The following DNAJB13 variants were observed in gnomAD, a reference collection of about 807,000 sequenced individuals.
DNAJB13 encodes dnaJ homolog subfamily B member 13.
DNAJB13 carries 22 observed loss-of-function variants against 35.6 expected under a neutral mutation model. That is an observed-to-expected ratio of 0.62 (90% confidence interval 0.44 to 0.88). DNAJB13 has a LOEUF of 0.88. Among genes scored for constraint, DNAJB13 ranks in the 40% least tolerant of loss-of-function variants. The pLI, the probability that DNAJB13 is intolerant of heterozygous loss-of-function variation, is 0.00. For synonymous variants in DNAJB13, 136 were observed against 144.2 expected, an observed-to-expected ratio of 0.94 and a Z score of 0.41; for missense variants, 370 against 384.3, an observed-to-expected ratio of 0.96 and a Z score of 0.31.
intron 2 of DNAJB13, 55 bp downstream of exon 2, chr11:73,958,475 C>A: frequency 7.1e-7 from 1 of 1,408,402 alleles, no homozygotes; most frequent in Non-Finnish European, 9.9e-7. Flanking sequence ...CCTTAAGTCT[C>A]TAGACTGTTG....
At position 73,968,369 on chromosome 11, in the gene DNAJB13, A is replaced by C. The variant is rs1269565948; in HGVS notation, c.631A>C (p.Ile211Leu). Residue 211 changes from isoleucine (I) to leucine (L), a missense_variant, in exon 6 of 8, where the codon ATC becomes CTC. By Grantham distance (5) the Ile-to-Leu change is conservative. Transcript: ENST00000339764. ...GGGCCCCAACATCATCCCAGCAGACATCATTTTCATCGTAAAGGAGAAGCT... is the reference window on the plus strand; with the variant it reads ...GGGCCCCAACATCATCCCAGCAGACCTCATTTTCATCGTAAAGGAGAAGCT... The part of the protein sequence containing the change: ...DQGPNIIPAD[I>L]IFIVKEKLHP... 6.2e-7 allele frequency: 1 copy of C among 1,614,144 alleles called. No individual in the cohort carries two copies. The highest frequency in any genetic ancestry group is 8.5e-7 in the Non-Finnish European group (1 of 1,180,014).
In DNAJB13 at chr11:73,951,038, C is replaced by T. The variant is rs1157651591; in HGVS notation, c.-32C>T. The T allele has an allele frequency of 1.2e-6, 2 of 1,612,462 alleles. No homozygotes were observed. Among genetic ancestry groups the T allele is most frequent in the African/African-American group, 2.7e-5 (2 of 74,922 alleles). ...TAACAGCCTTGCTAGAGTCTGAGGA[C>T]TATCCAGGGCCTGACTGCCAGCTAG... On this transcript the variant is annotated 5_prime_UTR_variant, in exon 1 of 8. Coordinates refer to ENST00000339764, the MANE Select transcript of DNAJB13 (RefSeq NM_153614.4).
rs771736200 is a variant in DNAJB13, at chr11:73,970,106, C to T, written c.943C>T (p.Leu315=). 23 of 1,603,328 alleles carry T rather than the reference C, an allele frequency of 1.4e-5. No individual in the cohort carries two copies. The East Asian group carries it at 2.0e-4, about 14-fold the overall frequency. The change falls in exon 8 of 8, where the codon CTG becomes TTG. Residue 315 remains leucine (L), a synonymous_variant. Coordinates refer to ENST00000339764, the MANE Select transcript of DNAJB13 (RefSeq NM_153614.4). ...QKKQMLRQAL[L]T is the part of the protein sequence containing the mutation. ...GAAGCAGATGCTGCGCCAGGCATTGCTGACATGACTGTGGTGGGCTGGAGC... is the reference window on the plus strand; with the variant it reads ...GAAGCAGATGCTGCGCCAGGCATTGTTGACATGACTGTGGTGGGCTGGAGC...
intron 4 of DNAJB13, chr11:73,965,933 A>T (rs1217867619): frequency 1.8e-6 from 1 of 560,208 alleles, no homozygotes; most frequent in Non-Finnish European, 3.2e-6. Flanking sequence ...TGGCAACAGG[A>T]TGGGAGTGGG....
At chr11:73,951,165 G>A (rs984185348) in intron 1 of DNAJB13, 28 bp downstream of exon 1, 5 of 1,613,328 alleles carry the variant, frequency 3.1e-6, no homozygotes, top group African/African-American at 1.3e-5. Flanking sequence ...CCAGGCCTTA[G>A]GGGTGTGCTG....
At chr11:73,964,765 C>CTGTGTGTGTGTGTG (rs3222042) in intron 3 of DNAJB13, 113 bp from the exon 4 acceptor site, 47 of 659,730 alleles carry the variant, frequency 7.1e-5, no homozygotes, top group East Asian at 6.6e-4. Context: ...GATAGGGAGG[C>CTGTGTGTGTGTGTG]TGTGTGTGTG....
chr11:73,961,895 T>G (rs966040001), intron 3 of DNAJB13, among the ~76,000 whole-genome samples: 11 of 152,198 alleles, frequency 7.2e-5, no homozygotes, highest in African/African-American at 2.7e-4. Context: ...GTTCAAGCGA[T>G]TCTCCTGCCT....
chr11:73,966,905 G>T (rs1951132487), intron 5 of DNAJB13, among the ~76,000 whole-genome samples: 1 of 145,110 alleles, frequency 6.9e-6, no homozygotes, highest in Admixed American at 7.0e-5. Context: ...CAGGCTGGAA[G>T]GCAGTGGTGC....
At chr11:73,969,021 T>C (rs959131576) in intron 6 of DNAJB13, among the ~76,000 whole-genome samples, 3 of 152,200 alleles carry the variant, frequency 2.0e-5, no homozygotes, top group African/African-American at 7.2e-5. Context: ...TTATTCTGTC[T>C]CCATCATTAC....
intron 1 of DNAJB13, among the ~76,000 whole-genome samples, chr11:73,951,928 G>A (rs1414703132): frequency 6.6e-6 from 1 of 152,084 alleles, no homozygotes; most frequent in African/African-American, 2.4e-5. Flanking sequence ...TTATAGGTGT[G>A]AGTCACCGCA....
intron 1 of DNAJB13, among the ~76,000 whole-genome samples, chr11:73,956,801 C>G (rs1950754083): frequency 8.9e-6 from 1 of 112,812 alleles, no homozygotes; most frequent in South Asian, 2.9e-4. Context: ...GAAACTCCAT[C>G]TCAAAAAAAA....
chr11:73,967,284 C>G (rs1344567300), intron 5 of DNAJB13, among the ~76,000 whole-genome samples: 1 of 152,282 alleles, frequency 6.6e-6, no homozygotes, highest in Non-Finnish European at 1.5e-5. Context: ...GTGTGAGCCA[C>G]CGTGCCTGGC....
At chr11:73,952,777 G>A (rs548504611) in intron 1 of DNAJB13, among the ~76,000 whole-genome samples, 16 of 152,346 alleles carry the variant, frequency 1.1e-4, no homozygotes, top group East Asian at 1.9e-4. Flanking sequence ...TGCTAGCTGC[G>A]TGACCTGGGC....
At chr11:73,954,108 T>C (rs1950665681) in intron 1 of DNAJB13, among the ~76,000 whole-genome samples, 1 of 144,048 alleles carries the variant, frequency 6.9e-6, no homozygotes, top group Admixed American at 6.9e-5. Context: ...GTGGACCACT[T>C]GAGGTCAGGA....
At chr11:73,969,401 C>A in intron 7 of DNAJB13, 79 bp downstream of exon 7, 1 of 824,318 alleles carries the variant, frequency 1.2e-6, no homozygotes, top group Non-Finnish European at 2.1e-6. Context: ...ACAGGTCTGC[C>A]CAGTAGAGTT....
intron 3 of DNAJB13, among the ~76,000 whole-genome samples, chr11:73,960,796 T>C (rs1950912952): frequency 1.3e-5 from 2 of 152,348 alleles, no homozygotes; most frequent in South Asian, 4.1e-4. Context: ...TTTCACTTAA[T>C]ATATCTTGGA....
chr11:73,967,256 A>C (rs1447679414), intron 5 of DNAJB13, among the ~76,000 whole-genome samples: 1 of 152,126 alleles, frequency 6.6e-6, no homozygotes, highest in Non-Finnish European at 1.5e-5. Flanking sequence ...CGGCCTCCCA[A>C]AGTGCCTGGG....
chr11:73,969,530 A>G (rs1951220215), intron 7 of DNAJB13, among the ~76,000 whole-genome samples: 1 of 152,168 alleles, frequency 6.6e-6, no homozygotes, highest in Non-Finnish European at 1.5e-5. Flanking sequence ...TCTTTTTCTA[A>G]TCCACACAAA....
At chr11:73,964,812 T>TGTGTGTGTGTGTGTGCGCGCGCGCGC (rs1491290663) in intron 3 of DNAJB13, 66 bp from the exon 4 acceptor site, 1 of 656,214 alleles carries the variant, frequency 1.5e-6, no homozygotes, top group African/African-American at 2.3e-5. Flanking sequence ...TGTGTGTGTG[T>TGTGTGTGTGTGTGTGCGCGCGCGCGC]GCGCGCGCGC....
Sources: gnomAD v4.1 joint callset for allele counts (sites outside exome capture counted in the v4.1 genomes callset) on GRCh38, gnomAD v4.1.1 for gene constraint, MANE v1.5 for transcripts, NCBI Gene and HGNC (gene_info 2026-07-23, HGNC 2026-07-21) for gene names.